Variants in PCP4 observed in about 807,000 individuals in gnomAD.
PCP4 encodes calmodulin regulator protein PCP4.
In PCP4, 8 loss-of-function variants were observed where a neutral mutation model predicts 10.0. That is an observed-to-expected ratio of 0.80 (90% CI 0.47 to 1.45). PCP4 has a LOEUF of 1.45. Among genes scored for constraint, PCP4 ranks in the 40% most tolerant of loss-of-function variants. The pLI is 0.00. For missense variants in PCP4, 54 were observed against 74.4 expected (o/e 0.73, Z 1.01); for synonymous variants, 21 against 23.0 (o/e 0.91, Z 0.24).
intron 2 of PCP4, among the ~76,000 whole-genome samples, chr21:39,916,949 G>C (rs114893771): frequency 4.1e-4 from 63 of 152,198 alleles, no homozygotes; most frequent in Admixed American, 2.9e-3. Context: ...CTTATTGGGA[G>C]GGAGAGCATC....
chr21:39,867,532 A>G, intron 1 of PCP4, 22 bp downstream of exon 1: 2 of 1,613,346 alleles, frequency 1.2e-6, no homozygotes, highest in Non-Finnish European at 8.5e-7. Context: ...TTCGACCTGG[A>G]GAGGGAAACT....
intron 1 of PCP4, among the ~76,000 whole-genome samples, chr21:39,882,996 A>AT (rs2087383174): frequency 6.6e-6 from 1 of 152,100 alleles, no homozygotes; most frequent in East Asian, 1.9e-4. Flanking sequence ...GCCCACTGTT[A>AT]TTTTTTTTCT....
intron 1 of PCP4, among the ~76,000 whole-genome samples, chr21:39,880,077 ATCT>A (rs2146327606): frequency 6.6e-6 from 1 of 152,240 alleles, no homozygotes; most frequent in Admixed American, 6.5e-5. Flanking sequence ...TAATTCCATT[ATCT>A]TTGCAATGTC....
At chr21:39,925,417 C>CA (rs2087615823) in intron 2 of PCP4, among the ~76,000 whole-genome samples, 1 of 152,228 alleles carries the variant, frequency 6.6e-6, no homozygotes, top group Non-Finnish European at 1.5e-5. Flanking sequence ...TTGCAATCAA[C>CA]AGTTGTTAAT....
chr21:39,895,951 A>G (rs8129578), intron 1 of PCP4, among the ~76,000 whole-genome samples: 91 of 152,362 alleles, frequency 6.0e-4, no homozygotes, highest in African/African-American at 2.1e-3. Context: ...AATACTTTCA[A>G]TAACGAGTTC....
chr21:39,919,470 G>T (rs1226175188), intron 2 of PCP4, among the ~76,000 whole-genome samples: 1 of 152,150 alleles, frequency 6.6e-6, no homozygotes, highest in Non-Finnish European at 1.5e-5. Flanking sequence ...TATGTGCTGT[G>T]ACTCCTAATG....
chr21:39,869,199 T>C (rs1181656075), intron 1 of PCP4, among the ~76,000 whole-genome samples: 2 of 152,228 alleles, frequency 1.3e-5, no homozygotes, highest in African/African-American at 4.8e-5. Context: ...CCTGGGATTC[T>C]GGCTCAGTCA....
intron 1 of PCP4, among the ~76,000 whole-genome samples, chr21:39,869,943 G>T (rs925549804): frequency 2.0e-5 from 3 of 152,242 alleles, no homozygotes; most frequent in Admixed American, 2.0e-4. Context: ...ATTGATTGGG[G>T]TCTGGTGGGC....
chr21:39,877,731 A>G lies in PCP4; in HGVS notation c.9+10221A>G, dbSNP rs1002443394. ...ACAAATACAAAAACAAAACAAAACA[A>G]TCAAAGAAACAAGACCCTTGTTGGC... is the stretch of plus-strand genomic sequence containing the variant. On this transcript the variant is annotated intron_variant, in intron 1 of 2. Transcript: ENST00000328619. Among the ~76,000 whole-genome samples the G allele has an allele frequency of 4.6e-5, 7 of 152,040 alleles. No homozygotes were observed. In the East Asian group the frequency reaches 1.4e-3, roughly 29 times the overall value.
chr21:39,892,825 A>G (rs997704891), intron 1 of PCP4, among the ~76,000 whole-genome samples: 1 of 152,150 alleles, frequency 6.6e-6, no homozygotes, highest in South Asian at 2.1e-4. Flanking sequence ...TTTTGTACCT[A>G]TTAACCATCC....
intron 2 of PCP4, among the ~76,000 whole-genome samples, chr21:39,920,138 G>A (rs1038745287): frequency 6.8e-6 from 1 of 147,212 alleles, no homozygotes; most frequent in Non-Finnish European, 1.5e-5. Flanking sequence ...TGTGTGGTGT[G>A]TGTGGTGTAG....
intron 2 of PCP4, among the ~76,000 whole-genome samples, chr21:39,910,336 G>C (rs1197759190): frequency 6.6e-6 from 1 of 152,098 alleles, no homozygotes; most frequent in South Asian, 2.1e-4. Context: ...CGCAAACGGG[G>C]CTAATCATCG....
intron 1 of PCP4, among the ~76,000 whole-genome samples, chr21:39,894,827 A>G (rs1389636085): frequency 6.6e-6 from 1 of 152,238 alleles, no homozygotes; most frequent in Non-Finnish European, 1.5e-5. Flanking sequence ...CATTCAGAAC[A>G]GAGATAAGAG....
Position 39,898,476 on chromosome 21 carries a change from C to T in PCP4, c.10C>T (p.Arg4Ter), listed in dbSNP as rs144011084. Reference sequence around the variant, plus strand: ...TTTTTCTTTTATTTTTTGCCTTTAGCGACAAGGTGCTGGGGCAACCAATGG... The same window carrying T: ...TTTTTCTTTTATTTTTTGCCTTTAGTGACAAGGTGCTGGGGCAACCAATGG... MSE[R>*]QGAGATNGKD... The change falls in exon 2 of 3, where the codon CGA becomes TGA. Residue 4 changes from arginine to a stop codon, truncating the protein, a stop_gained and splice_region_variant. Coordinates refer to ENST00000328619, the MANE Select transcript of PCP4 (RefSeq NM_006198.3). LOFTEE classifies it high-confidence loss of function. 8 of 1,613,310 alleles carry T rather than the reference C, an allele frequency of 5.0e-6. No homozygotes were observed. Among genetic ancestry groups the T allele is most frequent in the Admixed American group, 1.7e-5 (1 of 59,996 alleles).
chr21:39,881,393 C>T (rs2087374935), intron 1 of PCP4, among the ~76,000 whole-genome samples: 1 of 152,154 alleles, frequency 6.6e-6, no homozygotes. Flanking sequence ...GGAACAGTGG[C>T]ATTAGCCTCC....
intron 2 of PCP4, among the ~76,000 whole-genome samples, chr21:39,910,103 C>A (rs1473953566): frequency 6.6e-6 from 1 of 152,294 alleles, no homozygotes; most frequent in East Asian, 1.9e-4. Context: ...CTCTACTATT[C>A]TACCATCCCA....
chr21:39,895,205 A>G (rs552992740), intron 1 of PCP4, among the ~76,000 whole-genome samples: 2 of 152,250 alleles, frequency 1.3e-5, no homozygotes, highest in South Asian at 4.1e-4. Flanking sequence ...CTACCCATCC[A>G]TTCATCCATT....
chr21:39,928,572 A>G (rs1272968120), intron 2 of PCP4, among the ~76,000 whole-genome samples: 1 of 152,250 alleles, frequency 6.6e-6, no homozygotes, highest in Non-Finnish European at 1.5e-5. Flanking sequence ...ACGGAAACTC[A>G]GTATATGACT....
At chr21:39,882,946 C>T (rs556856785) in intron 1 of PCP4, among the ~76,000 whole-genome samples, 63 of 152,312 alleles carry the variant, frequency 4.1e-4, no homozygotes, top group African/African-American at 1.5e-3. Context: ...AGAATATAAC[C>T]TTGTAATAAA....
Sources: gnomAD v4.1 joint callset for allele counts (sites outside exome capture counted in the v4.1 genomes callset) on GRCh38, gnomAD v4.1.1 for gene constraint, MANE v1.5 for transcripts, NCBI Gene and HGNC (gene_info 2026-07-23, HGNC 2026-07-21) for gene names.